Variants in SHC4 observed in about 807,000 individuals in gnomAD.
SHC4 encodes SHC-transforming protein 4.
A neutral mutation model predicts 69.4 loss-of-function variants in SHC4; 41 were observed. The ratio of observed to expected loss-of-function variants is 0.59; its 90% CI spans 0.46 to 0.77. SHC4 has a LOEUF of 0.77. Ranked by LOEUF, SHC4 falls within the 30% of genes least tolerant of loss-of-function variation. The probability of loss-of-function intolerance (pLI) is 0.00; values close to 1 mark genes in which losing one functional copy is unlikely to be tolerated. For synonymous variants in SHC4, 318 were observed against 299.3 expected, an observed-to-expected ratio of 1.06 and a Z score of -0.64; for missense variants, 777 against 783.8, an observed-to-expected ratio of 0.99 and a Z score of 0.10.
At chr15:48,934,209 A>C (rs1005109670) in intron 1 of SHC4, among the ~76,000 whole-genome samples, 1 of 152,172 alleles carries the variant, frequency 6.6e-6, no homozygotes, top group Non-Finnish European at 1.5e-5. Flanking sequence ...TGCATCTAAA[A>C]TACATTAAAA....
In SHC4 at chr15:48,843,395, G is replaced by A; in HGVS notation, c.1483+14C>T. On this transcript the variant is annotated intron_variant, in intron 10 of 11. Transcript: ENST00000332408. ...GCCCTAAGAAATGAATACAGACAGT[G>A]AGTAGCTACTTACTTCCGCAGTGCC... The A allele has an allele frequency of 6.3e-7, 1 of 1,594,452 alleles. No homozygotes were observed. Among genetic ancestry groups the A allele is most frequent in the South Asian group, 1.1e-5 (1 of 89,632 alleles).
chr15:48,878,655 CTT>C, intron 4 of SHC4: 1 of 1,614,044 alleles, frequency 6.2e-7, no homozygotes, highest in South Asian at 1.1e-5. Context: ...GATCAGTTAG[CTT>C]TTATCGAAGA....
rs386382928 is a variant in SHC4 at position 48,919,295 on chromosome 15, A to ATTTTTTTTTTTTTTTTTTTTTTT, written c.656+5583_656+5584insAAAAAAAAAAAAAAAAAAAAAAA. Among the ~76,000 whole-genome samples the ATTTTTTTTTTTTTTTTTTTTTTT allele has an allele frequency of 5.4e-3, 385 of 71,228 alleles. 69 individuals are homozygous for ATTTTTTTTTTTTTTTTTTTTTTT. Among genetic ancestry groups the ATTTTTTTTTTTTTTTTTTTTTTT allele is most frequent in the Non-Finnish European group, 6.3e-3 (241 of 38,068 alleles). The allele number at this position is 71,228 out of a possible 152,430, so 46.7% of individuals were successfully genotyped here. ...CTCACACTCTTAAAAATTTATTTTA[A>ATTTTTTTTTTTTTTTTTTTTTTT]TTTTTTTTTTTTTTTTTTTTGTAGA... On this transcript the variant is annotated intron_variant, in intron 2 of 11. Transcript: ENST00000332408.
At chr15:48,887,937 T>C (rs1382861138) in intron 3 of SHC4, among the ~76,000 whole-genome samples, 1 of 152,116 alleles carries the variant, frequency 6.6e-6, no homozygotes, top group African/African-American at 2.4e-5. Flanking sequence ...CCTATCAAGA[T>C]GAAATCATAA....
chr15:48,896,612 G>A (rs980972208), intron 2 of SHC4, among the ~76,000 whole-genome samples: 7 of 152,116 alleles, frequency 4.6e-5, no homozygotes, highest in Non-Finnish European at 1.0e-4. Flanking sequence ...GAGCCACCGC[G>A]CCCAGCCTGT....
At chr15:48,870,670 G>A (rs964282841) in intron 5 of SHC4, among the ~76,000 whole-genome samples, 12 of 149,304 alleles carry the variant, frequency 8.0e-5, no homozygotes, top group Admixed American at 2.0e-4. Context: ...AGAGTGAGAC[G>A]CCGTCTCAAA....
At chr15:48,901,862 C>G (rs962466092) in intron 2 of SHC4, among the ~76,000 whole-genome samples, 1 of 152,130 alleles carries the variant, frequency 6.6e-6, no homozygotes, top group African/African-American at 2.4e-5. Context: ...TCAGTAAATG[C>G]TAGCCATTAT....
chr15:48,932,207 C>T (rs1900978713), intron 1 of SHC4, among the ~76,000 whole-genome samples: 1 of 152,140 alleles, frequency 6.6e-6, no homozygotes, highest in Non-Finnish European at 1.5e-5. Context: ...ACTTAAAACA[C>T]TCCCAAGACC....
intron 8 of SHC4, among the ~76,000 whole-genome samples, chr15:48,855,748 T>G (rs1004006051): frequency 1.3e-5 from 2 of 151,882 alleles, no homozygotes; most frequent in Non-Finnish European, 2.9e-5. Flanking sequence ...AAGTGAGATA[T>G]GAGATCATCT....
chr15:48,942,781 G>GTAGT (rs1901199239), intron 1 of SHC4, among the ~76,000 whole-genome samples: 1 of 152,200 alleles, frequency 6.6e-6, no homozygotes, highest in Admixed American at 6.5e-5. Context: ...AATAAGAAGT[G>GTAGT]TAGTTCAGGC....
intron 2 of SHC4, among the ~76,000 whole-genome samples, chr15:48,919,067 T>C (rs1311077147): frequency 1.6e-5 from 2 of 128,734 alleles, no homozygotes; most frequent in Non-Finnish European, 3.3e-5. Flanking sequence ...CCCTGGCACT[T>C]GGAAATCAGC....
At chr15:48,902,799 C>T (rs934127108) in intron 2 of SHC4, among the ~76,000 whole-genome samples, 3 of 152,180 alleles carry the variant, frequency 2.0e-5, no homozygotes, top group South Asian at 2.1e-4. Context: ...CAGCCTCTCC[C>T]TCTGCCAGGC....
At chr15:48,863,909 T>C (rs1193341320) in intron 6 of SHC4, among the ~76,000 whole-genome samples, 1 of 152,168 alleles carries the variant, frequency 6.6e-6, no homozygotes, top group African/African-American at 2.4e-5. Context: ...TCACCTCCAG[T>C]GTTTTCTTCT....
At chr15:48,878,045 G>A (rs546078431) in intron 4 of SHC4, 3 of 1,177,386 alleles carry the variant, frequency 2.5e-6, no homozygotes, top group East Asian at 4.8e-5. Context: ...CCAAGTAGGA[G>A]GCGGTACCTG....
intron 2 of SHC4, among the ~76,000 whole-genome samples, chr15:48,916,298 CA>C (rs1241583000): frequency 4.0e-5 from 6 of 151,638 alleles, no homozygotes; most frequent in African/African-American, 1.2e-4. Context: ...CACACACACA[CA>C]CACACACACA....
chr15:48,913,403 C>A (rs1056831513), intron 2 of SHC4, among the ~76,000 whole-genome samples: 1 of 152,068 alleles, frequency 6.6e-6, no homozygotes, highest in Non-Finnish European at 1.5e-5. Flanking sequence ...AGGCCTCATC[C>A]AGCTCCCATG....
At chr15:48,884,687 A>G (rs1364950745) in intron 3 of SHC4, among the ~76,000 whole-genome samples, 1 of 152,160 alleles carries the variant, frequency 6.6e-6, no homozygotes, top group African/African-American at 2.4e-5. Context: ...TGAACTCTTG[A>G]GTCCTTTTCA....
chr15:48,949,461 C>G lies in SHC4; in HGVS notation c.585+12970G>C, dbSNP rs11070669. Among the ~76,000 whole-genome samples, 1,559 of 151,888 alleles carry G rather than the reference C, an allele frequency of 0.01. 49 individuals carry two copies. The East Asian group carries it at 0.12, about 11-fold the overall frequency. On this transcript the variant is annotated intron_variant, in intron 1 of 11. Coordinates refer to ENST00000332408, the MANE Select transcript of SHC4 (RefSeq NM_203349.4). Reference sequence around the variant, plus strand: ...CCACGATCTCTCTATCTCTTTACATCATTGCCTGTATCAAGACCTTGATAC... The same window carrying G: ...CCACGATCTCTCTATCTCTTTACATGATTGCCTGTATCAAGACCTTGATAC...
intron 10 of SHC4, among the ~76,000 whole-genome samples, chr15:48,837,538 A>C (rs1898921276): frequency 6.6e-6 from 1 of 152,144 alleles, no homozygotes; most frequent in Non-Finnish European, 1.5e-5. Context: ...AATAATTATA[A>C]TCTAAATATG....
Sources: allele counts gnomAD v4.1 joint callset (sites outside exome capture counted in the v4.1 genomes callset), GRCh38; gene constraint gnomAD v4.1.1; transcripts MANE v1.5; gene names NCBI Gene and HGNC (gene_info 2026-07-23, HGNC 2026-07-21).